PDE1A: variants seen among roughly 807,000 people sequenced by gnomAD.
The protein encoded by PDE1A is dual specificity calcium/calmodulin-dependent 3',5'-cyclic nucleotide phosphodiesterase 1A.
Under a neutral mutation model 61.7 loss-of-function variants are expected in PDE1A, and 35 were observed. The ratio of observed to expected loss-of-function variants is 0.57; its 90% CI spans 0.43 to 0.75. The LOEUF (loss-of-function observed/expected upper bound fraction) is 0.75, where lower values mean the gene tolerates loss of function less well. Ranked by LOEUF, PDE1A falls within the 30% of genes least tolerant of loss-of-function variation. The pLI, the probability that PDE1A is intolerant of heterozygous loss-of-function variation, is 0.00. For missense variants in PDE1A, 597 were observed against 630.6 expected, an observed-to-expected ratio of 0.95 and a Z score of 0.57; for synonymous variants, 232 against 213.2, an observed-to-expected ratio of 1.09 and a Z score of -0.77.
At chr2:182,541,930 A>G in the PDE1A span, among the ~76,000 whole-genome samples, 1 of 152,324 alleles carries the variant, frequency 6.6e-6, no homozygotes, top group East Asian at 1.9e-4. Context: ...AGCAGGAAAG[A>G]CTGGCTTAAG....
At chr2:182,699,289 G>A in the PDE1A span, among the ~76,000 whole-genome samples, 4 of 152,270 alleles carry the variant, frequency 2.6e-5, no homozygotes, top group South Asian at 6.2e-4. Context: ...GCTTTTCCCA[G>A]TAAAGAAATG....
chr2:182,385,089 A>C (rs1041480263), intron 1 of PDE1A, among the ~76,000 whole-genome samples: 3 of 152,220 alleles, frequency 2.0e-5, no homozygotes, highest in African/African-American at 7.2e-5. Flanking sequence ...AAATGAAGGC[A>C]TGATAACAAC....
chr2:182,251,834 A>C (rs1691425347), intron 2 of PDE1A, among the ~76,000 whole-genome samples: 1 of 152,212 alleles, frequency 6.6e-6, no homozygotes, highest in African/African-American at 2.4e-5. Flanking sequence ...ATCTTTTATA[A>C]TGATGTTACA....
intron 1 of PDE1A, among the ~76,000 whole-genome samples, chr2:182,280,496 A>T (rs1693729109): frequency 6.6e-6 from 1 of 151,930 alleles, no homozygotes; most frequent in Admixed American, 6.6e-5. Flanking sequence ...CTGAATGCTA[A>T]AAATTTTGTT....
chr2:182,352,668 G>A (rs1459055437), intron 1 of PDE1A, among the ~76,000 whole-genome samples: 2 of 146,312 alleles, frequency 1.4e-5, no homozygotes, highest in Admixed American at 6.8e-5. Flanking sequence ...TTTTTTTTCA[G>A]TTAATTTTCC....
chr2:182,209,178 C>G (rs1687364972), intron 7 of PDE1A, among the ~76,000 whole-genome samples: 1 of 152,120 alleles, frequency 6.6e-6, no homozygotes, highest in Non-Finnish European at 1.5e-5. Context: ...CTTACAGTTC[C>G]ACATGGCTGG....
the PDE1A span, among the ~76,000 whole-genome samples, chr2:182,652,192 A>T: frequency 6.6e-6 from 1 of 152,198 alleles, no homozygotes; most frequent in Admixed American, 6.5e-5. Context: ...ACTGCTCTTC[A>T]AGCTTCTTTG....
chr2:182,550,998 A>G, the PDE1A span, among the ~76,000 whole-genome samples: 1 of 152,128 alleles, frequency 6.6e-6, no homozygotes, highest in Non-Finnish European at 1.5e-5. Context: ...ACCCAGGAAA[A>G]AAAGAAACAG....
intron 2 of PDE1A, among the ~76,000 whole-genome samples, chr2:182,498,330 C>G (rs1046987304): frequency 6.6e-6 from 1 of 151,734 alleles, no homozygotes. Flanking sequence ...ATATACATAG[C>G]AAAAGAATGG....
the PDE1A span, among the ~76,000 whole-genome samples, chr2:182,561,416 T>C: frequency 6.6e-6 from 1 of 152,098 alleles, no homozygotes. Flanking sequence ...TTGATCTATA[T>C]CTCTGTTTTG....
intron 2 of PDE1A, among the ~76,000 whole-genome samples, chr2:182,442,488 G>T (rs1684856694): frequency 6.6e-6 from 1 of 151,982 alleles, no homozygotes. Flanking sequence ...TATTTTACCT[G>T]TATTAAATTA....
chr2:182,402,870 T>A (rs1257739977), intron 1 of PDE1A, among the ~76,000 whole-genome samples: 1 of 152,176 alleles, frequency 6.6e-6, no homozygotes, highest in Admixed American at 6.5e-5. Flanking sequence ...GTGAAGGATA[T>A]GAACAGACAC....
chr2:182,160,024 C>T (rs1028419557), intron 13 of PDE1A, among the ~76,000 whole-genome samples: 3 of 152,130 alleles, frequency 2.0e-5, no homozygotes, highest in African/African-American at 7.2e-5. Context: ...TCATTTAATC[C>T]TCCTAACAGC....
intron 1 of PDE1A, among the ~76,000 whole-genome samples, chr2:182,385,679 G>A (rs1028067495): frequency 1.3e-5 from 1 of 76,418 alleles, no homozygotes; most frequent in South Asian, 7.1e-4. Context: ...AGAAAGAAAA[G>A]AAAGAAAGAA....
the PDE1A span, among the ~76,000 whole-genome samples, chr2:182,683,150 T>C: frequency 6.6e-6 from 1 of 150,852 alleles, no homozygotes; most frequent in Non-Finnish European, 1.5e-5. Context: ...TGGAGTGCAG[T>C]GGTGCGATCT....
intron 7 of PDE1A, among the ~76,000 whole-genome samples, chr2:182,218,004 G>T (rs1399042041): frequency 6.7e-6 from 1 of 149,722 alleles, no homozygotes; most frequent in Non-Finnish European, 1.5e-5. Flanking sequence ...CAATAGCAAA[G>T]ACTTGGAACC....
At chr2:182,150,219 T>G (rs1425136229) in intron 13 of PDE1A, among the ~76,000 whole-genome samples, 1 of 152,220 alleles carries the variant, frequency 6.6e-6, no homozygotes, top group Non-Finnish European at 1.5e-5. Context: ...AGTTAAAGAC[T>G]AGTAAAAAGA....
intron 2 of PDE1A, among the ~76,000 whole-genome samples, chr2:182,473,863 C>T (rs551939854): frequency 2.5e-4 from 38 of 152,050 alleles, no homozygotes; most frequent in African/African-American, 7.7e-4. Context: ...TATATATGTG[C>T]CACCTTTTCT....
intron 2 of PDE1A, among the ~76,000 whole-genome samples, chr2:182,515,170 T>C (rs1690053972): frequency 6.6e-6 from 1 of 152,148 alleles, no homozygotes; most frequent in Non-Finnish European, 1.5e-5. Context: ...CTAAAAGAAG[T>C]CATCCCTGAA....
Sources: allele counts gnomAD v4.1 joint callset (sites outside exome capture counted in the v4.1 genomes callset), GRCh38; gene constraint gnomAD v4.1.1; transcripts MANE v1.5; gene names NCBI Gene and HGNC (gene_info 2026-07-23, HGNC 2026-07-21).